Variants in CHST9 observed in about 807,000 individuals in gnomAD.
The protein encoded by CHST9 is GalNAc-4-sulfotransferase 2.
In CHST9, 41 loss-of-function variants were observed where a neutral mutation model predicts 44.4. The ratio of observed to expected loss-of-function variants is 0.92; its 90% CI spans 0.72 to 1.20. The LOEUF is 1.20. Ranked by LOEUF, CHST9 falls within the 50% of genes most tolerant of loss-of-function variation. The probability of loss-of-function intolerance (pLI) is 0.00; values close to 1 mark genes in which losing one functional copy is unlikely to be tolerated. For synonymous variants in CHST9, 171 were observed against 178.4 expected (o/e 0.96, Z 0.33); for missense variants, 504 against 516.5 (o/e 0.98, Z 0.23).
At chr18:26,945,779 G>A (rs2056153058) in intron 4 of CHST9, among the ~76,000 whole-genome samples, 1 of 152,184 alleles carries the variant, frequency 6.6e-6, no homozygotes, top group Admixed American at 6.5e-5. Flanking sequence ...TGGGATAAAT[G>A]TCCAGAAGTG....
At chr18:26,943,516 C>T (rs147595974) in intron 5 of CHST9, among the ~76,000 whole-genome samples, 144 of 152,182 alleles carry the variant, frequency 9.5e-4, no homozygotes, top group African/African-American at 3.2e-3. Flanking sequence ...GTAATTTATG[C>T]CATTGAAAGG....
At chr18:27,089,081 C>T (rs1042844791) in intron 2 of CHST9, among the ~76,000 whole-genome samples, 1 of 152,166 alleles carries the variant, frequency 6.6e-6, no homozygotes, top group South Asian at 2.1e-4. Flanking sequence ...AACTTAGAAC[C>T]AATATTCCAT....
Position 27,142,793 on chromosome 18 carries a change from A to T in CHST9, c.17T>A (p.Met6Lys). ...GAAGACTTGTTTGGGGTTCATGACC[A>T]TTTCAGATGGCTGCATTTCTCCTTA... MQPSE[M>K]VMNPKQVFLS... Residue 6 changes from methionine (M) to lysine (K), a missense_variant, in exon 2 of 6, where the codon ATG becomes AAG. Physicochemically the swap from Met to Lys is moderately conservative, Grantham distance 95 (BLOSUM62 -1). Transcript: ENST00000618847. 6.2e-7 allele frequency: 1 copy of T among 1,607,666 alleles called. No individual in the cohort carries two copies. The highest frequency in any genetic ancestry group is 8.5e-7 in the Non-Finnish European group (1 of 1,177,686).
chr18:26,963,853 T>C lies in CHST9; in HGVS notation c.203-19487A>G, dbSNP rs142341006. Among the ~76,000 whole-genome samples, 82 of 152,338 alleles carry C rather than the reference T, an allele frequency of 5.4e-4. No homozygotes were observed. In the East Asian group the frequency reaches 0.011, roughly 21 times the overall value. Reference sequence around the variant, plus strand: ...TGAGGTTTTCATGAGGACTAAACGATATCATGCACGTTTCATACTTAGAGT... The same window carrying C: ...TGAGGTTTTCATGAGGACTAAACGACATCATGCACGTTTCATACTTAGAGT... On this transcript the variant is annotated intron_variant, in intron 4 of 5. Transcript: ENST00000618847.
At chr18:26,920,181 C>G (rs190285195) in intron 5 of CHST9, among the ~76,000 whole-genome samples, 392 of 152,318 alleles carry the variant, frequency 2.6e-3, no homozygotes, top group South Asian at 7.0e-3. Flanking sequence ...TCACATCAAA[C>G]TTGGTTATCA....
Position 27,142,924 on chromosome 18 carries a change from A to T in CHST9, c.-96-19T>A, listed in dbSNP as rs1329976148. ...AAGTAACCTAGAATTTTAAAAAGAA[A>T]TCTACATTGTACATTTCTGCTAATA... On this transcript the variant is annotated intron_variant, in intron 1 of 5. Transcript: ENST00000618847. 1 of 934,464 alleles carries T rather than the reference A, an allele frequency of 1.1e-6. No individual in the cohort carries two copies. The highest frequency in any genetic ancestry group is 1.7e-5 in the African/African-American group (1 of 60,232). 57.9% of individuals were successfully genotyped at this position (934,464 alleles called of 1,614,324 possible).
intron 1 of CHST9, among the ~76,000 whole-genome samples, chr18:27,160,424 G>T (rs530084670): frequency 2.0e-5 from 3 of 152,242 alleles, no homozygotes; most frequent in African/African-American, 7.2e-5. Flanking sequence ...ATTGATTTGC[G>T]TATGTTGAAC....
intron 1 of CHST9, among the ~76,000 whole-genome samples, chr18:27,155,107 G>A (rs63126763): frequency 0.01 from 601 of 59,948 alleles, 30 homozygotes; most frequent in Middle Eastern, 0.044. Context: ...AAAAAAAAAA[G>A]AAGTAACCTC....
intron 1 of CHST9, among the ~76,000 whole-genome samples, chr18:27,154,899 A>T (rs1414808950): frequency 6.6e-6 from 1 of 151,952 alleles, no homozygotes; most frequent in African/African-American, 2.4e-5. Context: ...CCTGGCCAAC[A>T]TGGTGAAACC....
At chr18:26,974,279 T>C (rs1196987935) in intron 4 of CHST9, among the ~76,000 whole-genome samples, 1 of 152,190 alleles carries the variant, frequency 6.6e-6, no homozygotes, top group Non-Finnish European at 1.5e-5. Flanking sequence ...CAAAGATGGT[T>C]AACTAGGTGA....
chr18:27,075,460 T>C (rs185779425), intron 2 of CHST9, among the ~76,000 whole-genome samples: 55 of 152,358 alleles, frequency 3.6e-4, no homozygotes, highest in African/African-American at 1.3e-3. Context: ...TCATTCATTC[T>C]TTCCTAGGTT....
At chr18:27,170,031 G>A (rs2058822427) in intron 1 of CHST9, among the ~76,000 whole-genome samples, 1 of 152,172 alleles carries the variant, frequency 6.6e-6, no homozygotes, top group Non-Finnish European at 1.5e-5. Context: ...GCTTGAGGCA[G>A]GTACATATGC....
intron 4 of CHST9, among the ~76,000 whole-genome samples, chr18:26,978,276 A>AGTGTGTGTAT (rs2056649331): frequency 7.5e-6 from 1 of 133,530 alleles, no homozygotes; most frequent in Admixed American, 8.1e-5. Context: ...TGTGTGTGTG[A>AGTGTGTGTAT]GTGTGTGTAT....
intron 2 of CHST9, among the ~76,000 whole-genome samples, chr18:27,053,262 G>GAAGAAGAAGAAGA (rs772678534): frequency 2.8e-3 from 130 of 45,640 alleles, no homozygotes; most frequent in South Asian, 4.9e-3. Flanking sequence ...GAAGAAGAAG[G>GAAGAAGAAGAAGA]AGAAGGAGAA....
intron 5 of CHST9, among the ~76,000 whole-genome samples, chr18:26,921,938 A>G (rs1423943367): frequency 1.3e-5 from 2 of 152,128 alleles, no homozygotes; most frequent in Non-Finnish European, 2.9e-5. Context: ...ACATCTCATA[A>G]TACTTCTTTT....
chr18:26,943,768 C>G lies in CHST9; in HGVS notation c.240+561G>C, dbSNP rs553972237. Among the ~76,000 whole-genome samples, 10 of 152,150 alleles carry G rather than the reference C, an allele frequency of 6.6e-5. No homozygotes were observed. The East Asian group carries it at 1.9e-3, about 29-fold the overall frequency. ...AAACAGTTCTATAGAAGGACACCAT[C>G]TACCTAGAAATACAAAAATAGATCA... is the stretch of plus-strand genomic sequence containing the variant. On this transcript the variant is annotated intron_variant, in intron 5 of 5. Coordinates refer to ENST00000618847, the MANE Select transcript of CHST9 (RefSeq NM_031422.6).
chr18:27,180,374 A>G lies in CHST9; in HGVS notation c.-97+4762T>C, dbSNP rs2058902330. ...AACTATATTCTGTAATTATTTATAAATGACTTTTGAGGATAATAAGGGGGT... is the reference window on the plus strand; with the variant it reads ...AACTATATTCTGTAATTATTTATAAGTGACTTTTGAGGATAATAAGGGGGT... On this transcript the variant is annotated intron_variant, in intron 1 of 5. Transcript: ENST00000618847. Among the ~76,000 whole-genome samples the G allele has an allele frequency of 2.0e-5, 3 of 152,316 alleles. No homozygotes were observed. In the South Asian group the frequency reaches 6.2e-4, roughly 32 times the overall value.
chr18:27,062,738 T>G (rs2057739929), intron 2 of CHST9, among the ~76,000 whole-genome samples: 1 of 152,150 alleles, frequency 6.6e-6, no homozygotes, highest in Non-Finnish European at 1.5e-5. Context: ...ATCGCCACAC[T>G]GTCTTCCACA....
At chr18:26,923,756 G>GA (rs766076340) in intron 5 of CHST9, among the ~76,000 whole-genome samples, 1 of 152,160 alleles carries the variant, frequency 6.6e-6, no homozygotes, top group Non-Finnish European at 1.5e-5. Context: ...AGCAGTTTAT[G>GA]AAAAAATGTG....
Sources: allele counts gnomAD v4.1 joint callset (sites outside exome capture counted in the v4.1 genomes callset), GRCh38; gene constraint gnomAD v4.1.1; transcripts MANE v1.5; gene names NCBI Gene and HGNC (gene_info 2026-07-23, HGNC 2026-07-21).